Variants in ATXN2 observed in about 807,000 individuals in gnomAD.
The protein encoded by ATXN2 is ataxin-2.
In ATXN2, 37 loss-of-function variants were observed where a neutral mutation model predicts 138.6. The observed-to-expected ratio is 0.27, with a 90% confidence interval of 0.21 to 0.35. The LOEUF (loss-of-function observed/expected upper bound fraction) is 0.35. Among genes scored for constraint, ATXN2 ranks in the 10% least tolerant of loss-of-function variants. The pLI is 1.00. For missense variants in ATXN2, 1,216 were observed against 1,480.3 expected (o/e 0.82, Z 2.93); for synonymous variants, 549 against 543.7 (o/e 1.01, Z -0.13).
chr12:111,544,858 G>T (rs958079463), intron 5 of ATXN2, among the ~76,000 whole-genome samples: 1 of 152,284 alleles, frequency 6.6e-6, no homozygotes, highest in African/African-American at 2.4e-5. Flanking sequence ...AAGAATTCAG[G>T]ATTAAAAAGA....
chr12:111,507,020 C>T (rs1879172546), intron 14 of ATXN2, among the ~76,000 whole-genome samples: 1 of 152,182 alleles, frequency 6.6e-6, no homozygotes, highest in African/African-American at 2.4e-5. Flanking sequence ...GCTACAACCT[C>T]CACCTCCCAG....
rs149496582 is a variant in ATXN2 at position 111,490,046 on chromosome 12, T to TAA, written c.1936-1268_1936-1267dup. Among the ~76,000 whole-genome samples the TAA allele has an allele frequency of 2.9e-4, 42 of 143,056 alleles. No individual in the cohort carries two copies. In the East Asian group the frequency reaches 4.5e-3, roughly 15 times the overall value. 93.9% of individuals were successfully genotyped at this position (143,056 alleles called of 152,430 possible). On this transcript the variant is annotated intron_variant, in intron 14 of 24. Coordinates refer to ENST00000673436, the MANE Select transcript of ATXN2 (RefSeq NM_001372574.1). ...GGTGAAACTCCGTCTCTACTAAAGA[T>TAA]AAAAAAAAAAAATTAGCCAGGCGTG... is the stretch of plus-strand genomic sequence containing the variant.
rs1239867306 is a variant in ATXN2 at position 111,598,091 on chromosome 12, G to A, written c.251+693C>T. The A allele has an allele frequency of 1.1e-5, 13 of 1,134,870 alleles. No homozygotes were observed. The highest frequency in any genetic ancestry group is 1.4e-5 in the Non-Finnish European group (13 of 911,572). 70.3% of individuals were successfully genotyped at this position (1,134,870 alleles called of 1,614,324 possible). A position where few individuals can be genotyped will look rare whatever the true frequency, so the allele number is the denominator to read the frequency against. ...GGTGGAACGCTGCCGGAGGCCACAT[G>A]GAGCCCCACGATTTCAGGGGAGTTC... On this transcript the variant is annotated intron_variant, in intron 1 of 24. Coordinates refer to ENST00000673436, the MANE Select transcript of ATXN2 (RefSeq NM_001372574.1). The surrounding 1 kb of genome is among the most constrained non-coding windows in gnomAD (Gnocchi z 4.5).
intron 11 of ATXN2, 129 bp downstream of exon 11, chr12:111,513,228 T>C: frequency 9.3e-7 from 1 of 1,074,942 alleles, no homozygotes. Context: ...GGTTTCCCAA[T>C]TCCTGGTGAT....
intron 14 of ATXN2, among the ~76,000 whole-genome samples, chr12:111,495,082 AAT>A (rs1451568506): frequency 6.6e-6 from 1 of 152,104 alleles, no homozygotes; most frequent in Non-Finnish European, 1.5e-5. Flanking sequence ...AAGGCAGGCA[AAT>A]CACCTGAGGT....
chr12:111,527,354 A>T (rs1190763095), intron 5 of ATXN2, among the ~76,000 whole-genome samples: 2 of 152,186 alleles, frequency 1.3e-5, no homozygotes, highest in Non-Finnish European at 2.9e-5. Flanking sequence ...CAACAACTAA[A>T]CACACAATAC....
At position 111,552,694 on chromosome 12, in the gene ATXN2, T is replaced by C; in HGVS notation, c.420+212A>G. ...AGGAAAAAACAAACCACCACATCCC[T>C]CTATTAGCTCACAATGCTTAAAAAT... On this transcript the variant is annotated intron_variant, in intron 4 of 24. Transcript: ENST00000673436. The surrounding 1 kb of genome is among the most constrained non-coding windows in gnomAD (Gnocchi z 4.1). 1 of 547,500 alleles carries C rather than the reference T, an allele frequency of 1.8e-6. No individual in the cohort carries two copies. Among genetic ancestry groups the C allele is most frequent in the East Asian group, 3.2e-5 (1 of 30,848 alleles). The allele number at this position is 547,500 out of a possible 1,614,324, so 33.9% of individuals were successfully genotyped here. A position where few individuals can be genotyped will look rare whatever the true frequency, so the allele number is the denominator to read the frequency against.
At chr12:111,463,999 G>A (rs570513549) in intron 21 of ATXN2, among the ~76,000 whole-genome samples, 1 of 151,968 alleles carries the variant, frequency 6.6e-6, no homozygotes. Context: ...TGTTGGCTAG[G>A]CTGGTCTTGA....
At chr12:111,591,169 G>C (rs534051843) in intron 1 of ATXN2, among the ~76,000 whole-genome samples, 1 of 151,996 alleles carries the variant, frequency 6.6e-6, no homozygotes. Context: ...GATTACAGGC[G>C]TGAGCCACCG....
At chr12:111,521,015 T>G in intron 6 of ATXN2, 42 bp from the exon 7 acceptor site, 1 of 1,285,196 alleles carries the variant, frequency 7.8e-7, no homozygotes, top group Non-Finnish European at 1.1e-6. Flanking sequence ...GTCAAAGTAG[T>G]TGTTCCCTTT....
At chr12:111,528,302 CTT>C (rs1389132490) in intron 5 of ATXN2, among the ~76,000 whole-genome samples, 6 of 152,014 alleles carry the variant, frequency 3.9e-5, no homozygotes, top group African/African-American at 1.4e-4. Flanking sequence ...TTTAGAAAGT[CTT>C]GAGTCAAGCC....
Position 111,598,996 on chromosome 12 carries a change from C to CTGCTGCTGCTGCTGT in ATXN2, c.38_39insACAGCAGCAGCAGCA (p.Gln24_Gln28dup). Reference sequence around the variant, plus strand: ...GCTGCTGTTGCTGCTGCTGCTGCTGCTGCTGCTGCTGCTGCTGCTGCTGGG... The same window carrying CTGCTGCTGCTGCTGT: ...GCTGCTGTTGCTGCTGCTGCTGCTGCTGCTGCTGCTGCTGTTGCTGCTGCTGCTGCTGCTGCTGGG... On this transcript the variant is annotated inframe_insertion, in exon 1 of 25. Transcript: ENST00000673436. The surrounding 1 kb of genome is among the most constrained non-coding windows in gnomAD (Gnocchi z 4.5). 1.1e-6 allele frequency: 1 copy of CTGCTGCTGCTGCTGT among 930,942 alleles called. No individual in the cohort carries two copies. Among genetic ancestry groups the CTGCTGCTGCTGCTGT allele is most frequent in the Admixed American group, 2.7e-5 (1 of 36,396 alleles). 57.7% of individuals were successfully genotyped at this position (930,942 alleles called of 1,614,324 possible).
At chr12:111,597,693 C>G in intron 1 of ATXN2, 1 of 509,716 alleles carries the variant, frequency 2.0e-6, no homozygotes, top group African/African-American at 2.0e-5. Flanking sequence ...CACTGAGCCC[C>G]CAGCCCCTAC....
chr12:111,528,855 A>T (rs1027064178), intron 5 of ATXN2, among the ~76,000 whole-genome samples: 1 of 152,254 alleles, frequency 6.6e-6, no homozygotes, highest in African/African-American at 2.4e-5. Context: ...CTAGAAAGGA[A>T]GCAAGATCTG....
Position 111,568,451 on chromosome 12 carries a change from G to C in ATXN2, c.252-12532C>G, listed in dbSNP as rs140150887. Among the ~76,000 whole-genome samples, 1,432 of 152,178 alleles carry C rather than the reference G, an allele frequency of 9.4e-3. 21 individuals carry two copies. Among genetic ancestry groups the C allele is most frequent in the African/African-American group, 0.033 (1,362 of 41,510 alleles). On this transcript the variant is annotated intron_variant, in intron 1 of 24. Transcript: ENST00000673436. The stretch of plus-strand genomic sequence containing the variant: ...GTAGTTTCTAATGCTATTTCAACAA[G>C]ACCTGGGTAACAGATTTTTTTATAT...
At chr12:111,484,337 C>T (rs1346663387) in intron 18 of ATXN2, among the ~76,000 whole-genome samples, 2 of 149,870 alleles carry the variant, frequency 1.3e-5, no homozygotes, top group African/African-American at 2.5e-5. Flanking sequence ...ATGCTGCTCT[C>T]GAACTCATGG....
Position 111,485,805 on chromosome 12 carries a change from C to T in ATXN2, c.2365G>A (p.Val789Met). The T allele has an allele frequency of 6.2e-7, 1 of 1,614,078 alleles. No homozygotes were observed. The highest frequency in any genetic ancestry group is 8.5e-7 in the Non-Finnish European group (1 of 1,180,002). Residue 789 changes from valine to methionine, a missense_variant, in exon 17 of 25, where the codon GTG (valine) becomes ATG (methionine). Coordinates refer to ENST00000673436, the MANE Select transcript of ATXN2 (RefSeq NM_001372574.1). ...RPQAQPSPSM[V>M]GHQQPTPVYT... The stretch of plus-strand genomic sequence containing the variant: ...ACTGGAGTTGGCTGTTGATGACCCA[C>T]CATAGATGGGCTAGGTTGTGCTTGA...
chr12:111,466,567 T>A (rs4766578), intron 20 of ATXN2, among the ~76,000 whole-genome samples: 101,699 of 152,184 alleles, frequency 0.67, 37,051 homozygotes, highest in East Asian at 1. Context: ...TAGAAAGAGG[T>A]CAAGGTCAAT....
chr12:111,453,727 G>A lies in ATXN2; in HGVS notation c.3389C>T (p.Pro1130Leu). The A allele has an allele frequency of 6.2e-7, 1 of 1,613,854 alleles. No individual in the cohort carries two copies. The highest frequency in any genetic ancestry group is 8.5e-7 in the Non-Finnish European group (1 of 1,179,872). Residue 1130 changes from proline (P) to leucine (L), a missense_variant, in exon 24 of 25, where the codon CCC becomes CTC. Physicochemically the swap from Pro to Leu is moderately conservative, Grantham distance 98 (BLOSUM62 -3). Around this residue, in one of 4 missense-constraint regions of ATXN2, gnomAD observed 490 missense variants for 653.5 expected, o/e 0.75. Transcript: ENST00000673436. The surrounding 1 kb of genome is among the most constrained non-coding windows in gnomAD (Gnocchi z 5.4). Reference sequence around the variant, plus strand: ...ATGCGCTGTTGTCGAGACTGGAATGGGCTGTAGTGCACTTTGAGCGAGGGC... The same window carrying A: ...ATGCGCTGTTGTCGAGACTGGAATGAGCTGTAGTGCACTTTGAGCGAGGGC... Reference protein sequence around the residue: ...QAALAQSALQPIPVSTTAHFP... With the variant: ...QAALAQSALQLIPVSTTAHFP...
Sources: gnomAD v4.1 joint callset for allele counts (sites outside exome capture counted in the v4.1 genomes callset) on GRCh38, gnomAD v4.1.1 for gene constraint, gnomAD v4.1.1 regional missense constraint, Gnocchi (gnomAD v3.1) non-coding constraint, MANE v1.5 for transcripts, NCBI Gene and HGNC (gene_info 2026-07-23, HGNC 2026-07-21) for gene names.